The following NSD1 variants were observed in gnomAD, a reference collection of about 807,000 sequenced individuals.
NSD1 encodes histone-lysine N-methyltransferase, H3 lysine-36 specific.
Under a neutral mutation model 242.7 loss-of-function variants are expected in NSD1, and 26 were observed. That is an observed-to-expected ratio of 0.11 (90% CI 0.08 to 0.15). The LOEUF (loss-of-function observed/expected upper bound fraction) is 0.15. Among genes scored for constraint, NSD1 ranks in the 10% least tolerant of loss-of-function variants. The probability of loss-of-function intolerance (pLI) is 1.00; values close to 1 mark genes in which losing one functional copy is unlikely to be tolerated. For missense variants in NSD1, 2,495 were observed against 3,272.8 expected (o/e 0.76, Z 5.80); for synonymous variants, 1,106 against 1,178.1 (o/e 0.94, Z 1.25).
In NSD1 at chr5:177,296,444, G is replaced by C. The variant is rs1213813247; in HGVS notation, c.*985G>C. On this transcript the variant is annotated 3_prime_UTR_variant, in exon 23 of 23. Transcript: ENST00000439151. ...GTGCTTTCAGATTTCAGAGCCTCGG[G>C]CAGTGGACATAGGGAATCTCTGGCA... 2 of 233,128 alleles carry C rather than the reference G, an allele frequency of 8.6e-6. No homozygotes were observed. Among genetic ancestry groups the C allele is most frequent in the African/African-American group, 4.4e-5 (2 of 45,284 alleles). 14.4% of individuals were successfully genotyped at this position (233,128 alleles called of 1,614,324 possible).
Position 177,294,202 on chromosome 5 carries a change from A to T in NSD1, c.6834A>T (p.Leu2278=). 6.2e-7 allele frequency: 1 copy of T among 1,613,418 alleles called. No homozygotes were observed. The highest frequency in any genetic ancestry group is 1.1e-5 in the South Asian group (1 of 91,024). ...ALAGTCQRPL[L]PERPLERTDS... is the part of the protein sequence containing the mutation. ...CAGGGACTTGTCAGAGGCCATTGCT[A>T]CCTGAAAGACCTCTTGAGAGAACTG... Residue 2278 remains leucine, a synonymous_variant, in exon 23 of 23, where the codon CTA becomes CTT. Coordinates refer to ENST00000439151, the MANE Select transcript of NSD1 (RefSeq NM_022455.5).
rs549922394 is a variant in NSD1, at chr5:177,160,451, C to T, written c.927+24421C>T. Among the ~76,000 whole-genome samples, 97 of 151,684 alleles carry T rather than the reference C, an allele frequency of 6.4e-4. 1 individual carries two copies. Among genetic ancestry groups the T allele is most frequent in the African/African-American group, 2.3e-3 (96 of 41,308 alleles). ...GAGTAGCTGGGGTTACAGGCACGTG[C>T]CACGACGCCCGGCTGATTTTTTTGT... is the stretch of plus-strand genomic sequence containing the variant. On this transcript the variant is annotated intron_variant, in intron 2 of 22. Coordinates refer to ENST00000439151, the MANE Select transcript of NSD1 (RefSeq NM_022455.5).
chr5:177,191,378 G>A (rs1367472696), intron 2 of NSD1, among the ~76,000 whole-genome samples: 1 of 152,170 alleles, frequency 6.6e-6, no homozygotes, highest in Non-Finnish European at 1.5e-5. Context: ...GGGACTACAG[G>A]CATGTGCCAC....
intron 2 of NSD1, among the ~76,000 whole-genome samples, chr5:177,178,896 A>G (rs76582114): frequency 0.018 from 2,793 of 152,292 alleles, 32 homozygotes; most frequent in Non-Finnish European, 0.028. Flanking sequence ...ATTAATATCA[A>G]TGTAATGTGT....
At chr5:177,257,223 T>TA in intron 13 of NSD1, 72 bp downstream of exon 13, 7 of 1,234,918 alleles carry the variant, frequency 5.7e-6, no homozygotes, top group Middle Eastern at 1.9e-4. Context: ...TTTTCTTTTT[T>TA]CTTTCTTTTT....
chr5:177,136,539 A>T (rs998956695), intron 2 of NSD1, among the ~76,000 whole-genome samples: 1 of 151,798 alleles, frequency 6.6e-6, no homozygotes, highest in East Asian at 1.9e-4. Flanking sequence ...AAATTAGGCT[A>T]GTTTTTCTGA....
At chr5:177,138,094 AAAAC>A (rs140274552) in intron 2 of NSD1, among the ~76,000 whole-genome samples, 23,514 of 136,044 alleles carry the variant, frequency 0.17, 2,286 homozygotes, top group East Asian at 0.51. Context: ...AAACAACAAA[AAAAC>A]AAACAAACAA....
chr5:177,218,854 C>T (rs1052748060), intron 5 of NSD1, among the ~76,000 whole-genome samples: 1 of 151,980 alleles, frequency 6.6e-6, no homozygotes, highest in African/African-American at 2.4e-5. Flanking sequence ...CATGCATGAG[C>T]CACCGCGCCC....
chr5:177,168,942 C>G (rs547986411), intron 2 of NSD1, among the ~76,000 whole-genome samples: 4 of 152,276 alleles, frequency 2.6e-5, no homozygotes, highest in Middle Eastern at 3.4e-3. Context: ...GGCAAAACTT[C>G]GTAGCCTAAT....
chr5:177,159,001 TA>T (rs1758471782), intron 2 of NSD1, among the ~76,000 whole-genome samples: 23 of 22,106 alleles, frequency 1.0e-3, no homozygotes, highest in Non-Finnish European at 1.5e-3. Flanking sequence ...AATGATTTTA[TA>T]TATATATATA....
chr5:177,216,675 T>TG (rs1305578694), intron 5 of NSD1, among the ~76,000 whole-genome samples: 11 of 151,386 alleles, frequency 7.3e-5, no homozygotes, highest in African/African-American at 2.2e-4. Flanking sequence ...TCTCTGTTTT[T>TG]TTTTTTTTTT....
In NSD1 at chr5:177,280,696, T is replaced by C; in HGVS notation, c.5754T>C (p.Tyr1918=). ...DSECINRMLL[Y]ECHPTVCPAG... ...AATGCATCAACCGCATGCTGCTCTA[T>C]GAGTGCCACCCCACAGTGTGTCCTG... is the stretch of plus-strand genomic sequence containing the variant. The change falls in exon 18 of 23, where the codon TAT becomes TAC. Residue 1918 remains tyrosine, a synonymous_variant. Transcript: ENST00000439151. The C allele has an allele frequency of 6.2e-7, 1 of 1,614,244 alleles. No homozygotes were observed. Among genetic ancestry groups the C allele is most frequent in the Non-Finnish European group, 8.5e-7 (1 of 1,180,042 alleles).
intron 8 of NSD1, among the ~76,000 whole-genome samples, chr5:177,242,514 A>ATTTAT (rs1554196719): frequency 2.1e-5 from 3 of 145,492 alleles, no homozygotes; most frequent in South Asian, 2.2e-4. Context: ...AATGGCCTTT[A>ATTTAT]TTATTTATTT....
chr5:177,167,523 A>G (rs186224647), intron 2 of NSD1, among the ~76,000 whole-genome samples: 2,627 of 152,178 alleles, frequency 0.017, 31 homozygotes, highest in Non-Finnish European at 0.028. Context: ...CAACAAGAGC[A>G]AAACTCTATC....
chr5:177,144,777 T>C (rs973774950), intron 2 of NSD1, among the ~76,000 whole-genome samples: 2 of 152,148 alleles, frequency 1.3e-5, no homozygotes, highest in African/African-American at 4.8e-5. Flanking sequence ...ATGAACCTTT[T>C]TGAATTTAGA....
intron 12 of NSD1, among the ~76,000 whole-genome samples, chr5:177,252,554 T>C (rs1451636543): frequency 1.5e-5 from 2 of 135,874 alleles, no homozygotes; most frequent in South Asian, 2.4e-4. Flanking sequence ...TTTTTTTTTT[T>C]TTTTTTTTTT....
chr5:177,152,192 G>A (rs1328129574), intron 2 of NSD1, among the ~76,000 whole-genome samples: 1 of 151,628 alleles, frequency 6.6e-6, no homozygotes, highest in African/African-American at 2.4e-5. Flanking sequence ...TTTTTGTAGG[G>A]ATGGGATGGC....
chr5:177,211,747 A>T lies in NSD1; in HGVS notation c.3348A>T (p.Gln1116His). 6.2e-7 allele frequency: 1 copy of T among 1,614,124 alleles called. No homozygotes were observed. The highest frequency in any genetic ancestry group is 8.5e-7 in the Non-Finnish European group (1 of 1,180,014). The change falls in exon 5 of 23, where the codon CAA (glutamine) becomes CAT (histidine). Residue 1116 changes from glutamine to histidine, a missense_variant. This residue lies in a region of NSD1 where 426 missense variants were observed against 411.4 expected (regional missense o/e 1.04). Coordinates refer to ENST00000439151, the MANE Select transcript of NSD1 (RefSeq NM_022455.5). ...SDVHFDSKVKQSDPGKISEKG... is the reference protein window; with the variant it reads ...SDVHFDSKVKHSDPGKISEKG... Reference sequence around the variant, plus strand: ...TGCATTTCGATAGCAAGGTTAAGCAATCTGATCCTGGTAAAATTTCTGAAA... The same window carrying T: ...TGCATTTCGATAGCAAGGTTAAGCATTCTGATCCTGGTAAAATTTCTGAAA...
intron 4 of NSD1, among the ~76,000 whole-genome samples, chr5:177,207,905 A>AGTGT (rs145605083): frequency 3.3e-5 from 5 of 149,360 alleles, no homozygotes; most frequent in South Asian, 4.2e-4. Context: ...ATGTCCAGCT[A>AGTGT]GTGTGTGTGT....
Sources: gnomAD v4.1 joint callset for allele counts (sites outside exome capture counted in the v4.1 genomes callset) on GRCh38, gnomAD v4.1.1 for gene constraint, gnomAD v4.1.1 regional missense constraint, MANE v1.5 for transcripts, NCBI Gene and HGNC (gene_info 2026-07-23, HGNC 2026-07-21) for gene names.